Variants in SLC2A7 observed in about 807,000 individuals in gnomAD.
SLC2A7 encodes the protein solute carrier family 2 member 7.
Under a neutral mutation model 50.5 loss-of-function variants are expected in SLC2A7, and 50 were observed. The ratio of observed to expected loss-of-function variants is 0.99; its 90% CI spans 0.79 to 1.25. The LOEUF (loss-of-function observed/expected upper bound fraction) is 1.25, where lower values mean the gene tolerates loss of function less well. Ranked by LOEUF, SLC2A7 falls within the 50% of genes most tolerant of loss-of-function variation. The probability of loss-of-function intolerance (pLI) is 0.00; values close to 1 mark genes in which losing one functional copy is unlikely to be tolerated. For synonymous variants in SLC2A7, 308 were observed against 300.4 expected, an observed-to-expected ratio of 1.03 and a Z score of -0.26; for missense variants, 683 against 679.1, an observed-to-expected ratio of 1.01 and a Z score of -0.06.
At chr1:9,024,925 C>G in intron 2 of SLC2A7, 51 bp downstream of exon 2, 1 of 1,592,774 alleles carries the variant, frequency 6.3e-7, no homozygotes, top group Non-Finnish European at 8.6e-7. Context: ...CTTCCACCCA[C>G]GACCCCGGTC....
chr1:9,015,061 C>A, intron 6 of SLC2A7, 56 bp downstream of exon 6: 1 of 1,604,816 alleles, frequency 6.2e-7, no homozygotes, highest in Admixed American at 1.7e-5. Context: ...CTGACCGTGT[C>A]TCTGCCTGGC....
intron 5 of SLC2A7, among the ~76,000 whole-genome samples, chr1:9,015,678 C>CCACCT (rs1324501803): frequency 9.9e-5 from 15 of 151,432 alleles, no homozygotes; most frequent in Admixed American, 9.8e-4. Flanking sequence ...ACAGGGTCTC[C>CCACCT]GTCTGCCTCC....
At chr1:9,007,441 G>A in intron 9 of SLC2A7, 56 bp from the exon 10 acceptor site, 6 of 1,567,296 alleles carry the variant, frequency 3.8e-6, no homozygotes, top group African/African-American at 1.4e-5. Flanking sequence ...CGTGCGGGGG[G>A]GTCCACCTGC....
At chr1:9,013,443 G>C in intron 8 of SLC2A7, 82 bp downstream of exon 8, 2 of 1,236,294 alleles carry the variant, frequency 1.6e-6, no homozygotes, top group South Asian at 2.7e-5. Context: ...CCAGCACTCA[G>C]TTCACTCTGT....
chr1:9,000,728 C>T (rs1640561797), downstream of SLC2A7, among the ~76,000 whole-genome samples: 1 of 151,086 alleles, frequency 6.6e-6, no homozygotes, highest in East Asian at 1.9e-4. Flanking sequence ...ATCTAGCAAA[C>T]AGCATGTGAC....
rs1376431763 is a variant in SLC2A7, at chr1:9,010,177, G to A, written c.1082C>T (p.Ala361Val). Residue 361 changes from alanine to valine, a missense_variant, in exon 9 of 12, where the codon GCC becomes GTC. Physicochemically the swap from Ala to Val is moderately conservative, Grantham distance 64 (BLOSUM62 0). Coordinates refer to ENST00000400906, the MANE Select transcript of SLC2A7 (RefSeq NM_207420.3). ...LLAGYGICGS[A>V]CLVLTVVLLF... ...GAGCACCACCGTCAGCACCAGGCAG[G>A]CAGAGCCGCAGATGCCGTAGCCGGC... is the stretch of plus-strand genomic sequence containing the variant. The A allele has an allele frequency of 1.9e-6, 3 of 1,552,504 alleles. No homozygotes were observed. In the Admixed American group the frequency reaches 5.9e-5, roughly 30 times the overall value.
intron 5 of SLC2A7, 25 bp downstream of exon 5, chr1:9,018,198 C>T (rs771993463): frequency 1.9e-6 from 3 of 1,613,888 alleles, no homozygotes; most frequent in South Asian, 1.1e-5. Flanking sequence ...CTGGACCTAG[C>T]GTGACCTCTG....
chr1:9,022,882 T>C (rs1640932316), intron 3 of SLC2A7, 36 bp downstream of exon 3: 1 of 1,607,070 alleles, frequency 6.2e-7, no homozygotes, highest in Non-Finnish European at 8.5e-7. Context: ...CTTACTAGCA[T>C]GAATTTTAAG....
intron 5 of SLC2A7, among the ~76,000 whole-genome samples, chr1:9,016,588 G>A (rs371012254): frequency 1.3e-5 from 2 of 151,712 alleles, no homozygotes; most frequent in Admixed American, 6.6e-5. Context: ...CAGCCTGGGT[G>A]ACAGAGTGAG....
rs1640665774 is a variant in SLC2A7 at position 9,007,234 on chromosome 1, T to C, written c.1192+76A>G. On this transcript the variant is annotated intron_variant, in intron 10 of 11. Coordinates refer to ENST00000400906, the MANE Select transcript of SLC2A7 (RefSeq NM_207420.3). The stretch of plus-strand genomic sequence containing the variant: ...GACGTCCATTCACTCAGCAAATATG[T>C]GTCGAGCACTGACTGTGTGTCAGGC... 1.5e-5 allele frequency: 22 copies of C among 1,513,854 alleles called. No individual in the cohort carries two copies. In the South Asian group the frequency reaches 2.4e-4, roughly 16 times the overall value. 93.8% of individuals were successfully genotyped at this position (1,513,854 alleles called of 1,614,324 possible).
downstream of SLC2A7, among the ~76,000 whole-genome samples, chr1:9,002,307 G>C (rs192421059): frequency 3.2e-4 from 48 of 152,110 alleles, no homozygotes; most frequent in Non-Finnish European, 6.2e-4. Context: ...TAAGAGGAAG[G>C]CATCTGTCTC....
downstream of SLC2A7, among the ~76,000 whole-genome samples, chr1:9,000,563 G>A (rs560387899): frequency 4.6e-5 from 7 of 152,008 alleles, no homozygotes; most frequent in East Asian, 1.2e-3. Flanking sequence ...AGGTTGCAGT[G>A]AGCCGAGATT....
intron 3 of SLC2A7, 23 bp from the exon 4 acceptor site, chr1:9,019,356 G>C (rs367727052): frequency 3.1e-6 from 5 of 1,613,084 alleles, no homozygotes; most frequent in Non-Finnish European, 4.2e-6. Flanking sequence ...TGAGCCCAGA[G>C]GGCAGGGGTG....
chr1:9,010,124 G>A lies in SLC2A7; in HGVS notation c.1116+19C>T. On this transcript the variant is annotated intron_variant, in intron 9 of 11. Transcript: ENST00000400906. ...CTCCCCATGACTCCCCACCCAGGGG[G>A]CAGGAAATGAGGTCAGACCTGGAAT... 1 of 1,550,082 alleles carries A rather than the reference G, an allele frequency of 6.5e-7. No homozygotes were observed. The highest frequency in any genetic ancestry group is 1.2e-5 in the South Asian group (1 of 84,022).
downstream of SLC2A7, among the ~76,000 whole-genome samples, chr1:8,999,386 C>A (rs910428754): frequency 2.0e-5 from 3 of 152,166 alleles, no homozygotes; most frequent in African/African-American, 7.2e-5. Flanking sequence ...TATTTATTGG[C>A]ATTCCAGTGT....
downstream of SLC2A7, among the ~76,000 whole-genome samples, chr1:8,999,126 G>A (rs910374711): frequency 6.6e-6 from 1 of 152,074 alleles, no homozygotes; most frequent in Admixed American, 6.6e-5. Context: ...TTCTTTAATT[G>A]ACTTAAGACT....
rs752254136 is a variant in SLC2A7, at chr1:9,018,227, C to T, written c.585G>A (p.Pro195=). 3.7e-5 allele frequency: 59 copies of T among 1,614,044 alleles called. No individual in the cohort carries two copies. The highest frequency in any genetic ancestry group is 1.4e-4 in the South Asian group (13 of 91,076). ...ACCTCTGCGGCTGCCGGTTACCTGC[C>T]GGGTTGCCCAAGATGGCCTGGAGGC... ...IFSLQAILGN[P]AGWPVLLALT... is the part of the protein sequence containing the mutation. The change falls in exon 5 of 12, where the codon CCG becomes CCA. Residue 195 remains proline, a synonymous_variant. Transcript: ENST00000400906.
chr1:9,025,991 G>T (rs1223973133), intron 1 of SLC2A7, among the ~76,000 whole-genome samples: 3 of 152,334 alleles, frequency 2.0e-5, no homozygotes, highest in South Asian at 2.1e-4. Flanking sequence ...TTCTTCAGAG[G>T]CCATCTCCCC....
At chr1:9,011,746 C>CTTTTTT (rs34758810) in intron 8 of SLC2A7, among the ~76,000 whole-genome samples, 40 of 93,220 alleles carry the variant, frequency 4.3e-4, no homozygotes, top group Non-Finnish European at 4.8e-4. Context: ...TCTTCTTCTT[C>CTTTTTT]TTTTTTTTTT....
Sources: gnomAD v4.1 joint callset for allele counts (sites outside exome capture counted in the v4.1 genomes callset) on GRCh38, gnomAD v4.1.1 for gene constraint, MANE v1.5 for transcripts, NCBI Gene and HGNC (gene_info 2026-07-23, HGNC 2026-07-21) for gene names.